EML6: variants seen among roughly 807,000 people sequenced by gnomAD.
The protein encoded by EML6 is echinoderm microtubule-associated protein-like 6.
EML6 carries 154 observed loss-of-function variants against 240.1 expected under a neutral mutation model. That is an observed-to-expected ratio of 0.64 (90% CI 0.56 to 0.73). The LOEUF (loss-of-function observed/expected upper bound fraction) is 0.73, where lower values mean the gene tolerates loss of function less well. EML6 is among the 30% of genes least tolerant of loss of function. EML6 has a pLI of 0.00. For missense variants in EML6, 2,964 were observed against 2,474.6 expected (o/e 1.20, Z -4.20); for synonymous variants, 1,148 against 899.0 (o/e 1.28, Z -4.95).
At chr2:54,906,166 T>G (rs1673318420) in intron 24 of EML6, among the ~76,000 whole-genome samples, 2 of 152,236 alleles carry the variant, frequency 1.3e-5, no homozygotes, top group African/African-American at 4.8e-5. Context: ...GGTTCAAATC[T>G]CTCCACATCT....
intron 32 of EML6, among the ~76,000 whole-genome samples, 160 bp from the exon 33 acceptor site, chr2:54,957,630 G>A (rs75873084): frequency 0.019 from 2,921 of 152,278 alleles, 102 homozygotes; most frequent in African/African-American, 0.065. Flanking sequence ...CACTTTCCCC[G>A]CTGCCACCTG....
Position 54,847,595 on chromosome 2 carries a change from G to C in EML6, c.1159G>C (p.Asp387His). 2.6e-6 allele frequency: 4 copies of C among 1,552,328 alleles called. No homozygotes were observed. The highest frequency in any genetic ancestry group is 3.5e-6 in the Non-Finnish European group (4 of 1,147,136). The change falls in exon 9 of 42, where the codon GAC becomes CAC. Residue 387 changes from aspartate to histidine, a missense_variant. By Grantham distance (81) the Asp-to-His change is moderately conservative (BLOSUM62 -1). Transcript: ENST00000356458. ...ATCTCAGCTGGCCCTGGGCATGAAG[G>C]ACGGCTCTTTCATTGTTCTCCGAGT... ...DGSQLALGMK[D>H]GSFIVLRVRD...
chr2:54,747,760 T>C (rs1510614), intron 2 of EML6, among the ~76,000 whole-genome samples: 64,592 of 152,044 alleles, frequency 0.42, 13,850 homozygotes, highest in Middle Eastern at 0.49. Context: ...TTTCATCCCA[T>C]GTTATTTATC....
Position 54,837,295 on chromosome 2 carries a change from A to AT in EML6, c.848-6744dup, listed in dbSNP as rs200578189. 2.5e-3 allele frequency among the ~76,000 whole-genome samples: 375 copies of AT among 152,008 alleles called. 2 individuals are homozygous for AT. The highest frequency in any genetic ancestry group is 8.7e-3 in the African/African-American group (360 of 41,426). On this transcript the variant is annotated intron_variant, in intron 7 of 41. Transcript: ENST00000356458. ...CCACACTTGAACTGCCTGAATCCTC[A>AT]TTTTTTTTCCCCCTATTGCTAGCTT...
Position 54,909,019 on chromosome 2 carries a change from T to C in EML6, c.3410-1935T>C, listed in dbSNP as rs556038509. Reference sequence around the variant, plus strand: ...GAATATTTTTGCAATCATAAATTACTTCACTGAGAGATTTTTCTCATTTTT... The same window carrying C: ...GAATATTTTTGCAATCATAAATTACCTCACTGAGAGATTTTTCTCATTTTT... On this transcript the variant is annotated intron_variant, in intron 24 of 41. Coordinates refer to ENST00000356458, the MANE Select transcript of EML6 (RefSeq NM_001039753.4). Among the ~76,000 whole-genome samples the C allele has an allele frequency of 8.0e-4, 122 of 152,358 alleles. 2 individuals carry two copies. The highest frequency in any genetic ancestry group is 2.9e-3 in the African/African-American group (120 of 41,580).
chr2:54,920,880 C>T (rs1387677314), intron 26 of EML6, among the ~76,000 whole-genome samples: 2 of 151,838 alleles, frequency 1.3e-5, no homozygotes, highest in Non-Finnish European at 2.9e-5. Flanking sequence ...ATGTGATGTA[C>T]CACATAAAGA....
chr2:54,861,807 C>T (rs549107804), intron 12 of EML6, among the ~76,000 whole-genome samples: 1 of 148,648 alleles, frequency 6.7e-6, no homozygotes, highest in Admixed American at 6.8e-5. Context: ...CAGAAACCAA[C>T]ACACAGTGTC....
At chr2:54,960,470 G>A (rs1676447045) in intron 35 of EML6, 136 bp downstream of exon 35, 2 of 661,776 alleles carry the variant, frequency 3.0e-6, no homozygotes, top group Non-Finnish European at 2.6e-6. Context: ...TGCTGTAGTG[G>A]GAAGCAGCTT....
intron 4 of EML6, among the ~76,000 whole-genome samples, chr2:54,819,080 T>C (rs1380048664): frequency 6.6e-6 from 1 of 152,244 alleles, no homozygotes; most frequent in African/African-American, 2.4e-5. Context: ...CAGACTTGCC[T>C]GAGCTTGAAT....
intron 2 of EML6, among the ~76,000 whole-genome samples, chr2:54,726,300 A>G (rs1177836045): frequency 6.6e-6 from 1 of 152,232 alleles, no homozygotes; most frequent in Non-Finnish European, 1.5e-5. Context: ...TTCTCAGAAT[A>G]TTGCCACTTT....
At chr2:54,867,169 A>C in intron 14 of EML6, 1 of 224,782 alleles carries the variant, frequency 4.4e-6, no homozygotes, top group South Asian at 1.5e-4. Context: ...TTGCTGCTGC[A>C]CTTCTTTCTC....
chr2:54,852,737 A>G (rs1670157266), intron 10 of EML6, among the ~76,000 whole-genome samples: 1 of 152,228 alleles, frequency 6.6e-6, no homozygotes, highest in South Asian at 2.1e-4. Flanking sequence ...ATGCACCAGT[A>G]TTATATAAGG....
intron 10 of EML6, among the ~76,000 whole-genome samples, chr2:54,851,716 C>T (rs1206447119): frequency 2.0e-5 from 3 of 152,154 alleles, no homozygotes; most frequent in Non-Finnish European, 4.4e-5. Context: ...TATTCCTGAT[C>T]TTTGCCCATT....
At chr2:54,761,117 A>G (rs180743595) in intron 2 of EML6, among the ~76,000 whole-genome samples, 39 of 152,260 alleles carry the variant, frequency 2.6e-4, no homozygotes, top group African/African-American at 9.4e-4. Flanking sequence ...CAGCCAAATG[A>G]TAATAACTCT....
chr2:54,852,953 T>C (rs1426516549), intron 10 of EML6, among the ~76,000 whole-genome samples: 1 of 152,228 alleles, frequency 6.6e-6, no homozygotes, highest in Non-Finnish European at 1.5e-5. Context: ...GCCATCCCCA[T>C]TTGGGAATAT....
At chr2:54,789,543 A>AAAG (rs1669308154) in intron 2 of EML6, among the ~76,000 whole-genome samples, 1 of 145,658 alleles carries the variant, frequency 6.9e-6, no homozygotes, top group Non-Finnish European at 1.5e-5. Context: ...AAAAAAAAAA[A>AAAG]AAAAAGAAAA....
intron 2 of EML6, among the ~76,000 whole-genome samples, chr2:54,779,293 CT>C (rs984068742): frequency 9.9e-5 from 15 of 151,930 alleles, no homozygotes; most frequent in Non-Finnish European, 1.8e-4. Context: ...AATCCCAGCA[CT>C]TTGGGAGGCC....
intron 6 of EML6, among the ~76,000 whole-genome samples, chr2:54,828,534 T>C (rs1173663039): frequency 6.6e-6 from 1 of 152,236 alleles, no homozygotes; most frequent in Non-Finnish European, 1.5e-5. Flanking sequence ...ATACCCTTAA[T>C]ATGAAGAAAA....
chr2:54,967,961 G>A (rs952334220), intron 39 of EML6, among the ~76,000 whole-genome samples, 167 bp from the exon 40 acceptor site: 3 of 152,262 alleles, frequency 2.0e-5, no homozygotes, highest in African/African-American at 2.4e-5. Flanking sequence ...CCTGCCCTGC[G>A]GTCGGTTCCT....
Sources: allele counts gnomAD v4.1 joint callset (sites outside exome capture counted in the v4.1 genomes callset), GRCh38; gene constraint gnomAD v4.1.1; transcripts MANE v1.5; gene names NCBI Gene and HGNC (gene_info 2026-07-23, HGNC 2026-07-21).